The following NT5C2 variants were observed in gnomAD, a reference collection of about 807,000 sequenced individuals.
The protein encoded by NT5C2 is 5'-nucleotidase, cytosolic II.
In NT5C2, 58 loss-of-function variants were observed where a neutral mutation model predicts 76.1. The observed-to-expected ratio is 0.76, with a 90% confidence interval of 0.62 to 0.95. The LOEUF is 0.95. Ranked by LOEUF, NT5C2 falls within the 40% of genes least tolerant of loss-of-function variation. The probability of loss-of-function intolerance (pLI) is 0.00; values close to 1 mark genes in which losing one functional copy is unlikely to be tolerated. For missense variants in NT5C2, 478 were observed against 690.3 expected (o/e 0.69, Z 3.45); for synonymous variants, 229 against 237.4 (o/e 0.96, Z 0.32).
chr10:103,127,693 C>T (rs1476800563), intron 4 of NT5C2, among the ~76,000 whole-genome samples: 1 of 152,206 alleles, frequency 6.6e-6, no homozygotes, highest in Non-Finnish European at 1.5e-5. Flanking sequence ...CCCAGTAACA[C>T]CTTTAGCAAA....
intron 1 of NT5C2, among the ~76,000 whole-genome samples, chr10:103,191,955 T>C (rs1828707160): frequency 6.6e-6 from 1 of 151,984 alleles, no homozygotes; most frequent in African/African-American, 2.4e-5. Flanking sequence ...ACCTTTTTTG[T>C]TCTTTTTTTT....
intron 3 of NT5C2, chr10:103,145,965 T>C (rs1159694353): frequency 4.4e-6 from 3 of 683,542 alleles, no homozygotes; most frequent in Non-Finnish European, 3.6e-6. Flanking sequence ...ATGCAATTTA[T>C]TAAATTTGAA....
intron 3 of NT5C2, among the ~76,000 whole-genome samples, chr10:103,149,104 G>A (rs1055398507): frequency 3.3e-5 from 5 of 152,142 alleles, no homozygotes; most frequent in African/African-American, 1.2e-4. Flanking sequence ...AGTCATGTAG[G>A]TTGTGCTCTG....
chr10:103,104,448 G>C (rs1377734478), intron 6 of NT5C2, among the ~76,000 whole-genome samples: 1 of 152,122 alleles, frequency 6.6e-6, no homozygotes, highest in East Asian at 1.9e-4. Flanking sequence ...GAGATTCTGA[G>C]TTATGATGAC....
intron 3 of NT5C2, among the ~76,000 whole-genome samples, chr10:103,163,809 G>A (rs1175602563): frequency 6.8e-6 from 1 of 147,618 alleles, no homozygotes; most frequent in Non-Finnish European, 1.5e-5. Flanking sequence ...TTGAGGTCAG[G>A]AGTTCAAGAC....
At chr10:103,156,882 C>T (rs939627955) in intron 3 of NT5C2, among the ~76,000 whole-genome samples, 3 of 151,300 alleles carry the variant, frequency 2.0e-5, no homozygotes, top group African/African-American at 7.3e-5. Flanking sequence ...ACAGTGAAAT[C>T]CCATCTCTAC....
intron 3 of NT5C2, among the ~76,000 whole-genome samples, chr10:103,141,765 T>A (rs1565158897): frequency 1.3e-5 from 2 of 152,214 alleles, no homozygotes; most frequent in African/African-American, 2.4e-5. Flanking sequence ...TACTGTCTAT[T>A]ACACCCAGAT....
At chr10:103,105,632 T>C (rs1590853366) in intron 6 of NT5C2, 74 bp downstream of exon 6, 1 of 963,272 alleles carries the variant, frequency 1.0e-6, no homozygotes, top group East Asian at 2.4e-5. Flanking sequence ...ATATATTACA[T>C]CTGGGGAGAT....
chr10:103,090,543 C>A (rs904940468), intron 18 of NT5C2, 68 bp downstream of exon 18: 56 of 1,398,364 alleles, frequency 4.0e-5, no homozygotes, highest in Non-Finnish European at 5.5e-5. Context: ...CCTGTGCCAT[C>A]TCACAAAGGT....
chr10:103,146,522 T>G, intron 3 of NT5C2: 1 of 731,208 alleles, frequency 1.4e-6, no homozygotes, highest in Non-Finnish European at 1.7e-6. Flanking sequence ...ATTGAAATTA[T>G]GAACTAAAAA....
rs145575033 is a variant in NT5C2 at position 103,174,544 on chromosome 10, C to G, written c.101+314G>C. Among the ~76,000 whole-genome samples the G allele has an allele frequency of 3.9e-3, 595 of 152,200 alleles. 1 individual carries two copies. Among genetic ancestry groups the G allele is most frequent in the Middle Eastern group, 0.01 (3 of 294 alleles). The stretch of plus-strand genomic sequence containing the variant: ...CAAGATTGCGCCATTGTACTCCAGC[C>G]TGGGCAACAGAGCAAGACTCTGTCC... On this transcript the variant is annotated intron_variant, in intron 3 of 18. Coordinates refer to ENST00000404739, the MANE Select transcript of NT5C2 (RefSeq NM_001351169.2).
intron 4 of NT5C2, among the ~76,000 whole-genome samples, 183 bp from the exon 5 acceptor site, chr10:103,106,889 C>T (rs926519319): frequency 6.6e-6 from 1 of 152,018 alleles, no homozygotes; most frequent in Admixed American, 6.6e-5. Flanking sequence ...AATTGTTAGT[C>T]TGTGGAAATA....
At chr10:103,191,383 A>C (rs1591977403) in intron 1 of NT5C2, among the ~76,000 whole-genome samples, 2 of 118,558 alleles carry the variant, frequency 1.7e-5, no homozygotes, top group South Asian at 5.3e-4. Flanking sequence ...GCTCCGTCTC[A>C]AAAAAAAAAA....
intron 1 of NT5C2, among the ~76,000 whole-genome samples, chr10:103,192,353 A>T (rs891302305): frequency 1.3e-5 from 2 of 152,156 alleles, no homozygotes; most frequent in Non-Finnish European, 2.9e-5. Flanking sequence ...TCAAACATCA[A>T]GGCCCTAAAG....
In NT5C2 at chr10:103,095,931, T is replaced by A. The variant is rs1428376901; in HGVS notation, c.813+8A>T. 5.6e-6 allele frequency: 9 copies of A among 1,610,604 alleles called. No homozygotes were observed. The highest frequency in any genetic ancestry group is 6.8e-6 in the Non-Finnish European group (8 of 1,177,036). ...TAAAGCAGTGGTCTATTGAGTCACA[T>A]ACGGTACCTTGGGGCCATGTGGGAA... On this transcript the variant is annotated splice_region_variant and intron_variant, in intron 12 of 18. Coordinates refer to ENST00000404739, the MANE Select transcript of NT5C2 (RefSeq NM_001351169.2).
chr10:103,130,583 T>TAA lies in NT5C2; in HGVS notation c.175+8821_175+8822dup, dbSNP rs5787482. Among the ~76,000 whole-genome samples, 159 of 137,352 alleles carry TAA rather than the reference T, an allele frequency of 1.2e-3. 1 individual carries two copies. The highest frequency in any genetic ancestry group is 3.3e-3 in the Admixed American group (45 of 13,784). 90.1% of individuals were successfully genotyped at this position (137,352 alleles called of 152,430 possible). On this transcript the variant is annotated intron_variant, in intron 4 of 18. Transcript: ENST00000404739. ...ATAAATTTAAAAAAAAAATAAAAATTAAAAAAAAAAAAAAGAAAAATTAGA... is the reference window on the plus strand; with the variant it reads ...ATAAATTTAAAAAAAAAATAAAAATTAAAAAAAAAAAAAAAAGAAAAATTAGA...
At chr10:103,160,724 A>C (rs1180817691) in intron 3 of NT5C2, among the ~76,000 whole-genome samples, 1 of 152,206 alleles carries the variant, frequency 6.6e-6, no homozygotes, top group Non-Finnish European at 1.5e-5. Flanking sequence ...GCTATAATTA[A>C]AAAGGCAGGG....
rs1383475191 is a variant in NT5C2 at position 103,174,846 on chromosome 10, CA to C, written c.101+11del. ...AGAGGGGTTTTGAGGATTAAATAGA[CA>C]AAATACTTACCGATGATAGGCTTCT... On this transcript the variant is annotated intron_variant, in intron 3 of 18. Coordinates refer to ENST00000404739, the MANE Select transcript of NT5C2 (RefSeq NM_001351169.2). The C allele has an allele frequency of 6.3e-7, 1 of 1,584,246 alleles. No individual in the cohort carries two copies. The highest frequency in any genetic ancestry group is 8.7e-7 in the Non-Finnish European group (1 of 1,153,800).
rs1056419524 is a variant in NT5C2, at chr10:103,089,195, A to G, written c.*477T>C. 2.2e-5 allele frequency: 5 copies of G among 223,038 alleles called. No individual in the cohort carries two copies. Among genetic ancestry groups the G allele is most frequent in the African/African-American group, 6.7e-5 (3 of 44,802 alleles). 13.8% of individuals were successfully genotyped at this position (223,038 alleles called of 1,614,324 possible). On this transcript the variant is annotated 3_prime_UTR_variant, in exon 19 of 19. Coordinates refer to ENST00000404739, the MANE Select transcript of NT5C2 (RefSeq NM_001351169.2). ...AGAAAACTTGACCTTAACAGAGACTACATTTGATCATGGAAATAATACATT... is the reference window on the plus strand; with the variant it reads ...AGAAAACTTGACCTTAACAGAGACTGCATTTGATCATGGAAATAATACATT...
Sources: allele counts gnomAD v4.1 joint callset (sites outside exome capture counted in the v4.1 genomes callset), GRCh38; gene constraint gnomAD v4.1.1; transcripts MANE v1.5; gene names NCBI Gene and HGNC (gene_info 2026-07-23, HGNC 2026-07-21).